Variants in PPM1H observed in about 807,000 individuals in gnomAD.
The protein encoded by PPM1H is protein phosphatase 1H.
PPM1H carries 27 observed loss-of-function variants against 54.9 expected under a neutral mutation model. The ratio of observed to expected loss-of-function variants is 0.49; its 90% CI spans 0.36 to 0.68. The LOEUF (loss-of-function observed/expected upper bound fraction) is 0.68, where lower values mean the gene tolerates loss of function less well. PPM1H is among the 30% of genes least tolerant of loss of function. The probability of loss-of-function intolerance (pLI) is 0.00; values close to 1 mark genes in which losing one functional copy is unlikely to be tolerated. For missense variants in PPM1H, 596 were observed against 667.8 expected, an observed-to-expected ratio of 0.89 and a Z score of 1.19; for synonymous variants, 305 against 270.8, an observed-to-expected ratio of 1.13 and a Z score of -1.24.
intron 6 of PPM1H, among the ~76,000 whole-genome samples, chr12:62,704,151 G>GACAGTCTGCTCC (rs1423460876): frequency 6.6e-6 from 1 of 152,136 alleles, no homozygotes; most frequent in Non-Finnish European, 1.5e-5. Flanking sequence ...CTGCTGGAAA[G>GACAGTCTGCTCC]ACAGAGCTGC....
At chr12:62,695,294 T>C (rs2076107688) in intron 6 of PPM1H, among the ~76,000 whole-genome samples, 1 of 152,220 alleles carries the variant, frequency 6.6e-6, no homozygotes, top group African/African-American at 2.4e-5. Flanking sequence ...CAGCAATGCC[T>C]TTGGTATAGC....
chr12:62,692,723 C>T (rs1372599343), intron 7 of PPM1H, among the ~76,000 whole-genome samples: 1 of 152,124 alleles, frequency 6.6e-6, no homozygotes, highest in Non-Finnish European at 1.5e-5. Context: ...TGCCTATTAG[C>T]CCTGACACGA....
At chr12:62,673,503 G>A (rs533276342) in intron 8 of PPM1H, among the ~76,000 whole-genome samples, 81 of 152,068 alleles carry the variant, frequency 5.3e-4, no homozygotes, top group African/African-American at 1.7e-3. Context: ...AATCTCTGCC[G>A]CTTCTCTAGG....
intron 9 of PPM1H, chr12:62,658,968 A>G: frequency 1.4e-6 from 1 of 712,788 alleles, no homozygotes; most frequent in South Asian, 1.4e-5. Flanking sequence ...AGAAGGTTCA[A>G]AGGCTAGATC....
intron 1 of PPM1H, among the ~76,000 whole-genome samples, chr12:62,876,343 T>A (rs1486741842): frequency 6.6e-6 from 1 of 152,156 alleles, no homozygotes; most frequent in African/African-American, 2.4e-5. Context: ...TAGCAAACCT[T>A]AGGCTTCATT....
intron 1 of PPM1H, among the ~76,000 whole-genome samples, chr12:62,898,061 T>C (rs1055527242): frequency 6.6e-6 from 1 of 152,218 alleles, no homozygotes; most frequent in African/African-American, 2.4e-5. Context: ...ACAGTCACTA[T>C]AGGTCCTCTC....
At chr12:62,933,048 T>A (rs1872197050) in intron 1 of PPM1H, among the ~76,000 whole-genome samples, 1 of 152,162 alleles carries the variant, frequency 6.6e-6, no homozygotes, top group South Asian at 2.1e-4. Flanking sequence ...TATTTTTGCT[T>A]TGGCTTTCTC....
In PPM1H at chr12:62,832,125, T is replaced by G; in HGVS notation, c.400A>C (p.Lys134Gln). The G allele has an allele frequency of 6.2e-7, 1 of 1,613,878 alleles. No individual in the cohort carries two copies. Among genetic ancestry groups the G allele is most frequent in the Non-Finnish European group, 8.5e-7 (1 of 1,179,836 alleles). ...GAGAAGGGTCTTACCGAGTTCTCCT[T>G]CAGCTGCAGCCCTTCCCCATTGGGA... ...SLPNGEGLQLKENSESEGVSC... is the reference protein window; with the variant it reads ...SLPNGEGLQLQENSESEGVSC... The change falls in exon 2 of 10, where the codon AAG becomes CAG. Residue 134 changes from lysine (K) to glutamine (Q), a missense_variant. Physicochemically the swap from Lys to Gln is moderately conservative, Grantham distance 53 (BLOSUM62 1). This residue lies in a region of PPM1H where 382 missense variants were observed against 387.1 expected (regional missense o/e 0.99). Transcript: ENST00000228705.
intron 4 of PPM1H, among the ~76,000 whole-genome samples, chr12:62,781,553 T>C (rs924297886): frequency 1.3e-5 from 2 of 152,358 alleles, no homozygotes; most frequent in East Asian, 3.9e-4. Context: ...TGGTGATTCT[T>C]AAACTTGAGC....
chr12:62,693,516 C>T (rs1413187067), intron 7 of PPM1H, among the ~76,000 whole-genome samples: 3 of 152,220 alleles, frequency 2.0e-5, no homozygotes, highest in East Asian at 1.9e-4. Flanking sequence ...CGCTTGGCTG[C>T]GTGATCTGCC....
intron 1 of PPM1H, among the ~76,000 whole-genome samples, chr12:62,874,862 G>T (rs1286223706): frequency 6.6e-6 from 1 of 152,196 alleles, no homozygotes; most frequent in African/African-American, 2.4e-5. Flanking sequence ...GCCATTTTCA[G>T]TCTCAATACC....
intron 2 of PPM1H, among the ~76,000 whole-genome samples, chr12:62,819,668 T>C (rs2076890098): frequency 6.6e-6 from 1 of 152,194 alleles, no homozygotes; most frequent in South Asian, 2.1e-4. Flanking sequence ...TTTGTTGTTG[T>C]TGTTGTTGTT....
At chr12:62,664,269 T>C (rs1406486262) in intron 9 of PPM1H, among the ~76,000 whole-genome samples, 2 of 152,182 alleles carry the variant, frequency 1.3e-5, no homozygotes, top group Non-Finnish European at 2.9e-5. Flanking sequence ...CATCTATGCT[T>C]AGTTTATTAA....
intron 1 of PPM1H, among the ~76,000 whole-genome samples, chr12:62,881,442 AG>A (rs1045130899): frequency 4.6e-5 from 7 of 151,906 alleles, no homozygotes; most frequent in Non-Finnish European, 8.8e-5. Context: ...ACAGGAAGGA[AG>A]GGGGAGGGGG....
intron 2 of PPM1H, among the ~76,000 whole-genome samples, chr12:62,802,960 T>C (rs1471152778): frequency 6.6e-6 from 1 of 151,812 alleles, no homozygotes; most frequent in Non-Finnish European, 1.5e-5. Context: ...AAAAACGCCC[T>C]TTCTCAGGTT....
intron 2 of PPM1H, among the ~76,000 whole-genome samples, chr12:62,810,124 A>G (rs1026560883): frequency 6.6e-6 from 1 of 152,162 alleles, no homozygotes; most frequent in Non-Finnish European, 1.5e-5. Flanking sequence ...TATTAAATAT[A>G]CAAAGAAAGA....
intron 9 of PPM1H, among the ~76,000 whole-genome samples, chr12:62,651,638 A>AG (rs2075817078): frequency 1.3e-5 from 2 of 152,110 alleles, no homozygotes; most frequent in Non-Finnish European, 1.5e-5. Flanking sequence ...ACTTCCTTTG[A>AG]GATTGGTTCT....
At chr12:62,809,439 C>A (rs2076823124) in intron 2 of PPM1H, among the ~76,000 whole-genome samples, 1 of 152,148 alleles carries the variant, frequency 6.6e-6, no homozygotes, top group African/African-American at 2.4e-5. Context: ...GTAAGATAGG[C>A]AGGATGGTTT....
At chr12:62,734,382 A>T (rs1565772645) in intron 5 of PPM1H, among the ~76,000 whole-genome samples, 1 of 152,218 alleles carries the variant, frequency 6.6e-6, no homozygotes, top group Non-Finnish European at 1.5e-5. Context: ...CTAAATGAGT[A>T]GTACTTTCTG....
Sources: gnomAD v4.1 joint callset for allele counts (sites outside exome capture counted in the v4.1 genomes callset) on GRCh38, gnomAD v4.1.1 for gene constraint, gnomAD v4.1.1 regional missense constraint, MANE v1.5 for transcripts, NCBI Gene and HGNC (gene_info 2026-07-23, HGNC 2026-07-21) for gene names.